The following BAZ2B variants were observed in gnomAD, a reference collection of about 807,000 sequenced individuals.
BAZ2B encodes the protein bromodomain adjacent to zinc finger domain protein 2B.
Under a neutral mutation model 246.0 loss-of-function variants are expected in BAZ2B, and 91 were observed. The ratio of observed to expected loss-of-function variants is 0.37; its 90% CI spans 0.31 to 0.44. The LOEUF (loss-of-function observed/expected upper bound fraction) is 0.44, where lower values mean the gene tolerates loss of function less well. Among genes scored for constraint, BAZ2B ranks in the 20% least tolerant of loss-of-function variants. The pLI is 1.00. For synonymous variants in BAZ2B, 855 were observed against 860.0 expected, an observed-to-expected ratio of 0.99 and a Z score of 0.10; for missense variants, 2,332 against 2,533.7, an observed-to-expected ratio of 0.92 and a Z score of 1.71.
At chr2:159,708,904 T>G in the BAZ2B span, among the ~76,000 whole-genome samples, 1 of 152,142 alleles carries the variant, frequency 6.6e-6, no homozygotes, top group African/African-American at 2.4e-5. Context: ...TGAAAGTTTT[T>G]GATGCTAATC....
chr2:159,333,786 T>G (rs188433492), intron 33 of BAZ2B, among the ~76,000 whole-genome samples: 4 of 152,280 alleles, frequency 2.6e-5, no homozygotes, highest in Non-Finnish European at 4.4e-5. Context: ...TTAGTATGTA[T>G]ACCAATGACA....
At chr2:159,529,966 C>A (rs1327329965) in intron 2 of BAZ2B, among the ~76,000 whole-genome samples, 1 of 152,030 alleles carries the variant, frequency 6.6e-6, no homozygotes, top group Admixed American at 6.6e-5. Flanking sequence ...AAAGATCTCA[C>A]CAGTTTTATC....
chr2:159,377,830 AG>A (rs138213735), intron 25 of BAZ2B, among the ~76,000 whole-genome samples: 12,087 of 139,570 alleles, frequency 0.087, 848 homozygotes, highest in Admixed American at 0.22. Flanking sequence ...AAAAAAAAAA[AG>A]AAGTGAAATA....
chr2:159,590,400 G>A (rs1005249100), intron 1 of BAZ2B, among the ~76,000 whole-genome samples: 1 of 151,730 alleles, frequency 6.6e-6, no homozygotes, highest in Admixed American at 6.6e-5. Context: ...GGCCAGCCTG[G>A]CCAGCATGGT....
chr2:159,612,515 A>C (rs967526531), intron 1 of BAZ2B, among the ~76,000 whole-genome samples: 7 of 152,136 alleles, frequency 4.6e-5, no homozygotes, highest in African/African-American at 1.7e-4. Context: ...CAGAAACTAC[A>C]ACTTAAGATC....
chr2:159,676,647 G>GCACACACACACACACACACACA, the BAZ2B span, among the ~76,000 whole-genome samples: 10 of 132,544 alleles, frequency 7.5e-5, no homozygotes, highest in Non-Finnish European at 1.1e-4. Context: ...GTATCTAAAT[G>GCACACACACACACACACACACA]CACACACACA....
chr2:159,625,708 A>C, the BAZ2B span, among the ~76,000 whole-genome samples: 1 of 152,204 alleles, frequency 6.6e-6, no homozygotes, highest in African/African-American at 2.4e-5. Flanking sequence ...AAATACTACC[A>C]GCCACTGCAA....
chr2:159,417,966 G>T (rs1200956365), intron 13 of BAZ2B, among the ~76,000 whole-genome samples: 1 of 152,222 alleles, frequency 6.6e-6, no homozygotes, highest in Non-Finnish European at 1.5e-5. Context: ...TAGAAAGAGA[G>T]ATGAATAGTA....
chr2:159,681,410 G>A, the BAZ2B span, among the ~76,000 whole-genome samples: 3 of 146,792 alleles, frequency 2.0e-5, no homozygotes, highest in Non-Finnish European at 4.5e-5. Context: ...ACAATACATA[G>A]ATATGAAAAA....
At chr2:159,641,308 A>G in the BAZ2B span, among the ~76,000 whole-genome samples, 48 of 152,258 alleles carry the variant, frequency 3.2e-4, no homozygotes, top group Non-Finnish European at 6.0e-4. Flanking sequence ...GCATTTGTCT[A>G]ATTATCTGTG....
chr2:159,433,794 C>G (rs749467559), intron 8 of BAZ2B: 1 of 162,364 alleles, frequency 6.2e-6, no homozygotes, highest in East Asian at 1.8e-4. Context: ...AGCTCTTTTA[C>G]CTCTTTATAT....
intron 4 of BAZ2B, 130 bp downstream of exon 4, chr2:159,453,483 C>G: frequency 9.1e-7 from 1 of 1,098,516 alleles, no homozygotes; most frequent in Non-Finnish European, 1.2e-6. Context: ...TAGGATTAAG[C>G]CAATTCTTGC....
intron 13 of BAZ2B, among the ~76,000 whole-genome samples, chr2:159,420,825 T>A (rs1036047296): frequency 3.3e-5 from 5 of 152,192 alleles, no homozygotes; most frequent in African/African-American, 1.2e-4. Flanking sequence ...AACAATGCCA[T>A]TTATTCAACA....
At chr2:159,347,814 G>A (rs1320029914) in intron 30 of BAZ2B, among the ~76,000 whole-genome samples, 168 bp from the exon 31 acceptor site, 2 of 152,026 alleles carry the variant, frequency 1.3e-5, no homozygotes, top group South Asian at 2.1e-4. Context: ...GTAGAAACAC[G>A]CTAAGAAACA....
intron 1 of BAZ2B, among the ~76,000 whole-genome samples, chr2:159,576,475 T>C (rs1455523349): frequency 3.4e-5 from 5 of 148,662 alleles, no homozygotes; most frequent in African/African-American, 9.9e-5. Context: ...TGCAGAGAAA[T>C]GCAAATTTGA....
chr2:159,665,764 G>A, the BAZ2B span, among the ~76,000 whole-genome samples: 1 of 151,954 alleles, frequency 6.6e-6, no homozygotes, highest in Non-Finnish European at 1.5e-5. Flanking sequence ...AGAAAACCTA[G>A]GCATTACCAT....
the BAZ2B span, among the ~76,000 whole-genome samples, chr2:159,667,720 C>G: frequency 6.6e-6 from 1 of 151,922 alleles, no homozygotes; most frequent in Non-Finnish European, 1.5e-5. Context: ...ATGTCCCAGG[C>G]CTATTTTAAG....
intron 24 of BAZ2B, 53 bp from the exon 25 acceptor site, chr2:159,382,855 T>C: frequency 6.3e-7 from 1 of 1,576,552 alleles, no homozygotes; most frequent in East Asian, 2.2e-5. Flanking sequence ...CTCAATATAC[T>C]TTTAAAAGAG....
At chr2:159,327,416 T>A (rs1476868547) in intron 34 of BAZ2B, among the ~76,000 whole-genome samples, 1 of 152,224 alleles carries the variant, frequency 6.6e-6, no homozygotes, top group Non-Finnish European at 1.5e-5. Flanking sequence ...AGGCAAACCA[T>A]AAATCCAACA....
Sources: gnomAD v4.1 joint callset for allele counts (sites outside exome capture counted in the v4.1 genomes callset) on GRCh38, gnomAD v4.1.1 for gene constraint, MANE v1.5 for transcripts, NCBI Gene and HGNC (gene_info 2026-07-23, HGNC 2026-07-21) for gene names.